MORC1: variants seen among roughly 807,000 people sequenced by gnomAD.
MORC1 encodes MORC family CW-type zinc finger 1.
A neutral mutation model predicts 134.9 loss-of-function variants in MORC1; 59 were observed. The observed-to-expected ratio is 0.44, with a 90% CI of 0.35 to 0.54. The LOEUF is 0.54. MORC1 is among the 20% of genes least tolerant of loss of function. MORC1 has a pLI of 0.00. For missense variants in MORC1, 947 were observed against 1,134.5 expected (o/e 0.83, Z 2.37); for synonymous variants, 395 against 391.7 (o/e 1.01, Z -0.10).
intron 22 of MORC1, among the ~76,000 whole-genome samples, chr3:108,985,233 G>C (rs1326569138): frequency 6.6e-6 from 1 of 152,164 alleles, no homozygotes; most frequent in Non-Finnish European, 1.5e-5. Flanking sequence ...AAGAGACCTA[G>C]AGTCATTTAG....
At chr3:108,994,144 T>C (rs1313544779) in intron 21 of MORC1, among the ~76,000 whole-genome samples, 2 of 152,186 alleles carry the variant, frequency 1.3e-5, no homozygotes, top group Non-Finnish European at 2.9e-5. Flanking sequence ...CATCTACTCA[T>C]TGCTATGTAT....
intron 17 of MORC1, among the ~76,000 whole-genome samples, chr3:109,008,306 C>T (rs1334090664): frequency 6.6e-6 from 1 of 152,100 alleles, no homozygotes; most frequent in African/African-American, 2.4e-5. Flanking sequence ...CAGGTACATG[C>T]ATTTATAATT....
At chr3:109,075,589 G>A (rs2107721293) in intron 8 of MORC1, among the ~76,000 whole-genome samples, 1 of 152,270 alleles carries the variant, frequency 6.6e-6, no homozygotes, top group South Asian at 2.1e-4. Flanking sequence ...TGTCAGGTTT[G>A]TCAAAGATCA....
intron 26 of MORC1, among the ~76,000 whole-genome samples, chr3:108,967,529 T>G (rs1426036454): frequency 1.3e-5 from 2 of 152,172 alleles, no homozygotes; most frequent in Non-Finnish European, 2.9e-5. Context: ...CAGAAATATA[T>G]TACTGTCAGC....
At chr3:109,070,706 G>C (rs1307306401) in intron 8 of MORC1, among the ~76,000 whole-genome samples, 2 of 152,050 alleles carry the variant, frequency 1.3e-5, no homozygotes, top group African/African-American at 4.8e-5. Context: ...CCGTCTAAAG[G>C]GGAACTACTC....
intron 8 of MORC1, among the ~76,000 whole-genome samples, chr3:109,091,903 G>C (rs1950737301): frequency 6.6e-6 from 1 of 152,182 alleles, no homozygotes; most frequent in Non-Finnish European, 1.5e-5. Flanking sequence ...GGCTAGAGAA[G>C]CTCTGGCTTC....
chr3:109,004,242 T>G (rs142947559), intron 20 of MORC1, among the ~76,000 whole-genome samples: 1 of 152,344 alleles, frequency 6.6e-6, no homozygotes, highest in South Asian at 2.1e-4. Context: ...TCAGAGCCTA[T>G]AGCAGTTCAT....
At position 109,071,634 on chromosome 3, in the gene MORC1, T is replaced by C. The variant is rs77077202; in HGVS notation, c.690-1877A>G. Among the ~76,000 whole-genome samples, 789 of 152,294 alleles carry C rather than the reference T, an allele frequency of 5.2e-3. 18 individuals carry two copies. The highest frequency in any genetic ancestry group is 0.018 in the African/African-American group (757 of 41,572). On this transcript the variant is annotated intron_variant, in intron 8 of 27. Coordinates refer to ENST00000232603, the MANE Select transcript of MORC1 (RefSeq NM_014429.4). ...GCTTTCCTACATTCTCTCCTTCTCA[T>C]GAAAGTTCACATACAGCATAATTTT...
chr3:109,036,500 G>A (rs528266713), intron 14 of MORC1, among the ~76,000 whole-genome samples: 29 of 151,962 alleles, frequency 1.9e-4, no homozygotes, highest in African/African-American at 5.5e-4. Flanking sequence ...ATCTGTACAT[G>A]TGCATATAAA....
rs1369433678 is a variant in MORC1 at position 109,112,805 on chromosome 3, T to C, written c.119+1579A>G. On this transcript the variant is annotated intron_variant, in intron 2 of 27. Coordinates refer to ENST00000232603, the MANE Select transcript of MORC1 (RefSeq NM_014429.4). Reference sequence around the variant, plus strand: ...ATAAACACTGTGCAAACTTTCACTATAAGCCAAACACACATAAGACAGGCT... The same window carrying C: ...ATAAACACTGTGCAAACTTTCACTACAAGCCAAACACACATAAGACAGGCT... 2.6e-5 allele frequency among the ~76,000 whole-genome samples: 4 copies of C among 152,232 alleles called. No homozygotes were observed. In the South Asian group the frequency reaches 6.2e-4, roughly 24 times the overall value.
intron 4 of MORC1, among the ~76,000 whole-genome samples, chr3:109,102,884 A>C (rs1293483848): frequency 1.3e-5 from 2 of 152,220 alleles, no homozygotes; most frequent in Non-Finnish European, 2.9e-5. Context: ...AAAGACCAAG[A>C]ATACTTTTAA....
intron 20 of MORC1, among the ~76,000 whole-genome samples, chr3:109,001,717 G>T (rs1453176723): frequency 1.3e-5 from 2 of 152,140 alleles, no homozygotes; most frequent in African/African-American, 4.8e-5. Context: ...TCAAGCTTCT[G>T]TCTAGTCCTT....
intron 22 of MORC1, among the ~76,000 whole-genome samples, chr3:108,985,213 T>C (rs528624693): frequency 9.8e-5 from 15 of 152,298 alleles, no homozygotes; most frequent in African/African-American, 3.6e-4. Flanking sequence ...AAAGTGAACT[T>C]TAAAGCAGGA....
At chr3:108,996,286 G>GCGCGCGCGCGCGCACACACACA in intron 21 of MORC1, among the ~76,000 whole-genome samples, 26 of 146,380 alleles carry the variant, frequency 1.8e-4, no homozygotes, top group Non-Finnish European at 3.2e-4. Flanking sequence ...GCGCGCGCGC[G>GCGCGCGCGCGCGCACACACACA]CACACACACA....
At chr3:108,984,106 T>C (rs531441549) in intron 23 of MORC1, among the ~76,000 whole-genome samples, 2 of 152,286 alleles carry the variant, frequency 1.3e-5, no homozygotes, top group Non-Finnish European at 2.9e-5. Flanking sequence ...CTCTCTGTTT[T>C]TTCTTGCTCT....
At chr3:109,095,724 TC>T (rs1950820262) in intron 6 of MORC1, among the ~76,000 whole-genome samples, 1 of 152,108 alleles carries the variant, frequency 6.6e-6, no homozygotes, top group Non-Finnish European at 1.5e-5. Context: ...CCCATTTGTC[TC>T]CCAGAAGCTG....
At chr3:109,040,488 G>GAAAGAAAGAAAGAAGGAAAGAAAGAAA (rs1553753680) in intron 14 of MORC1, among the ~76,000 whole-genome samples, 1 of 92,476 alleles carries the variant, frequency 1.1e-5, no homozygotes, top group African/African-American at 3.4e-5. Flanking sequence ...AAGAAAGAAA[G>GAAAGAAAGAAAGAAGGAAAGAAAGAAA]GAAAGAAAAG....
intron 22 of MORC1, 51 bp from the exon 23 acceptor site, chr3:108,984,833 C>T: frequency 6.9e-7 from 1 of 1,453,582 alleles, no homozygotes; most frequent in Non-Finnish European, 9.5e-7. Flanking sequence ...ACACAATAAA[C>T]TGAACCAAAA....
chr3:109,107,512 C>T (rs1476725211), intron 3 of MORC1, among the ~76,000 whole-genome samples: 3 of 152,202 alleles, frequency 2.0e-5, no homozygotes, highest in Admixed American at 6.5e-5. Flanking sequence ...GTACCGAATG[C>T]ATATCCATGT....
Sources: allele counts gnomAD v4.1 joint callset (sites outside exome capture counted in the v4.1 genomes callset), GRCh38; gene constraint gnomAD v4.1.1; transcripts MANE v1.5; gene names NCBI Gene and HGNC (gene_info 2026-07-23, HGNC 2026-07-21).